Variants in LDB2 observed in about 807,000 individuals in gnomAD.
LDB2 encodes the protein LIM domain-binding protein 2.
A neutral mutation model predicts 44.3 loss-of-function variants in LDB2; 12 were observed. The observed-to-expected ratio is 0.27, with a 90% CI of 0.17 to 0.44. LDB2 has a LOEUF of 0.44. LDB2 is among the 20% of genes least tolerant of loss of function. The pLI, the probability that LDB2 is intolerant of heterozygous loss-of-function variation, is 1.00. For missense variants in LDB2, 344 were observed against 473.5 expected, an observed-to-expected ratio of 0.73 and a Z score of 2.54; for synonymous variants, 164 against 174.8, an observed-to-expected ratio of 0.94 and a Z score of 0.49.
chr4:16,714,885 G>T (rs283037), intron 2 of LDB2, among the ~76,000 whole-genome samples: 55,072 of 151,712 alleles, frequency 0.36, 10,372 homozygotes, highest in Admixed American at 0.43. Context: ...CTCTTCTGGG[G>T]ACATCGGTCA....
intron 2 of LDB2, among the ~76,000 whole-genome samples, chr4:16,659,024 T>G (rs1740712215): frequency 6.6e-6 from 1 of 152,220 alleles, no homozygotes; most frequent in Non-Finnish European, 1.5e-5. Context: ...ATTTCTTTAC[T>G]GAGAGACCCA....
chr4:16,836,707 C>G (rs189966802), intron 1 of LDB2, among the ~76,000 whole-genome samples: 22 of 152,214 alleles, frequency 1.4e-4, no homozygotes, highest in Admixed American at 4.6e-4. Context: ...TTGATTTCGT[C>G]TAGTTACCAA....
intron 5 of LDB2, among the ~76,000 whole-genome samples, chr4:16,521,890 T>G (rs1726243581): frequency 6.6e-6 from 1 of 152,176 alleles, no homozygotes; most frequent in Non-Finnish European, 1.5e-5. Flanking sequence ...TATAAGAAAT[T>G]AGACAATATG....
intron 2 of LDB2, among the ~76,000 whole-genome samples, chr4:16,610,010 T>A (rs1278599676): frequency 6.6e-6 from 1 of 152,042 alleles, no homozygotes; most frequent in Non-Finnish European, 1.5e-5. Flanking sequence ...ACACCCATCT[T>A]TGCTGCTCTC....
At chr4:16,745,369 C>A (rs1764192926) in intron 2 of LDB2, among the ~76,000 whole-genome samples, 1 of 152,176 alleles carries the variant, frequency 6.6e-6, no homozygotes, top group African/African-American at 2.4e-5. Context: ...TTACTTAGAA[C>A]AGTGAAAAGG....
chr4:16,756,087 A>T (rs977296191), intron 2 of LDB2, among the ~76,000 whole-genome samples: 12 of 152,188 alleles, frequency 7.9e-5, no homozygotes, highest in South Asian at 2.1e-4. Context: ...AAGGAACAAT[A>T]TATCACCCAG....
rs984298511 is a variant in LDB2 at position 16,506,878 on chromosome 4, C to T, written c.891+1657G>A. 5.3e-5 allele frequency: 8 copies of T among 152,250 alleles called. No individual in the cohort carries two copies. In the East Asian group the frequency reaches 5.8e-4, roughly 11 times the overall value. 9.4% of individuals were successfully genotyped at this position (152,250 alleles called of 1,614,324 possible). The stretch of plus-strand genomic sequence containing the variant: ...CAGTGCCTTTAAGTAGCTATATCAC[C>T]GTTTCAGAATCCTCTGAGATGCACT... On this transcript the variant is annotated intron_variant, in intron 7 of 7. Coordinates refer to ENST00000304523, the MANE Select transcript of LDB2 (RefSeq NM_001290.5).
intron 2 of LDB2, among the ~76,000 whole-genome samples, chr4:16,740,012 C>T (rs1762916816): frequency 6.6e-6 from 1 of 151,518 alleles, no homozygotes; most frequent in South Asian, 2.1e-4. Context: ...TGTTCATTTG[C>T]TGAGTTACAT....
At chr4:16,510,780 A>T (rs140353379) in intron 6 of LDB2, among the ~76,000 whole-genome samples, 1 of 152,192 alleles carries the variant, frequency 6.6e-6, no homozygotes, top group African/African-American at 2.4e-5. Context: ...TGCATGCTTT[A>T]TTCAGTTTTG....
At chr4:16,728,893 C>A (rs939557816) in intron 2 of LDB2, among the ~76,000 whole-genome samples, 2 of 152,190 alleles carry the variant, frequency 1.3e-5, no homozygotes, top group Admixed American at 6.5e-5. Flanking sequence ...AAATGAGGCT[C>A]CACAAGACTT....
intron 2 of LDB2, among the ~76,000 whole-genome samples, chr4:16,628,113 A>G (rs1730812065): frequency 6.6e-6 from 1 of 152,148 alleles, no homozygotes; most frequent in Non-Finnish European, 1.5e-5. Flanking sequence ...TGCATTTCAA[A>G]CGGTTTGGGT....
chr4:16,755,472 G>GGTGTGTGTGTGTGTGTGTGTGT (rs58186199), intron 2 of LDB2, among the ~76,000 whole-genome samples: 4 of 118,242 alleles, frequency 3.4e-5, no homozygotes, highest in African/African-American at 1.3e-4. Flanking sequence ...GTAGGAATAG[G>GGTGTGTGTGTGTGTGTGTGTGT]GTGTGTGTGT....
At chr4:16,806,845 C>CT (rs1351579494) in intron 1 of LDB2, among the ~76,000 whole-genome samples, 4 of 151,856 alleles carry the variant, frequency 2.6e-5, no homozygotes, top group Non-Finnish European at 5.9e-5. Context: ...TACTTCACCT[C>CT]TTCTTGTTCT....
At chr4:16,503,074 C>A in intron 7 of LDB2, 1 of 1,538,030 alleles carries the variant, frequency 6.5e-7, no homozygotes, top group Non-Finnish European at 8.7e-7. Context: ...GTAACAACCA[C>A]GCGAGTTTAT....
intron 2 of LDB2, among the ~76,000 whole-genome samples, chr4:16,662,554 A>C (rs1173388075): frequency 6.6e-6 from 1 of 152,146 alleles, no homozygotes; most frequent in African/African-American, 2.4e-5. Context: ...TCCCCACCCA[A>C]ATCTCACCTT....
At chr4:16,529,893 C>T (rs1729556773) in intron 5 of LDB2, among the ~76,000 whole-genome samples, 1 of 152,160 alleles carries the variant, frequency 6.6e-6, no homozygotes, top group East Asian at 1.9e-4. Flanking sequence ...GGCATTGAGT[C>T]TCTAGATGTG....
intron 1 of LDB2, among the ~76,000 whole-genome samples, chr4:16,807,036 TG>T (rs2109808645): frequency 6.6e-6 from 1 of 152,332 alleles, no homozygotes; most frequent in Admixed American, 6.5e-5. Context: ...CCAAGAAAAC[TG>T]GTTTTTGGAG....
intron 1 of LDB2, among the ~76,000 whole-genome samples, chr4:16,769,571 C>G (rs1029058285): frequency 2.6e-5 from 4 of 151,578 alleles, no homozygotes; most frequent in Admixed American, 1.3e-4. Flanking sequence ...GCTGGGATTA[C>G]AGGTGTGAGC....
chr4:16,697,491 C>G (rs1752448972), intron 2 of LDB2, among the ~76,000 whole-genome samples: 2 of 151,950 alleles, frequency 1.3e-5, no homozygotes, highest in Admixed American at 6.6e-5. Flanking sequence ...CTAAGGCTCC[C>G]TGTGAAATTC....
Sources: gnomAD v4.1 joint callset for allele counts (sites outside exome capture counted in the v4.1 genomes callset) on GRCh38, gnomAD v4.1.1 for gene constraint, MANE v1.5 for transcripts, NCBI Gene and HGNC (gene_info 2026-07-23, HGNC 2026-07-21) for gene names.